SNRPN: variants seen among roughly 807,000 people sequenced by gnomAD.
SNRPN encodes the protein small nuclear ribonucleoprotein polypeptide N.
A neutral mutation model predicts 25.2 loss-of-function variants in SNRPN; 7 were observed. That is an observed-to-expected ratio of 0.28 (90% CI 0.16 to 0.52). SNRPN has a LOEUF of 0.52. Ranked by LOEUF, SNRPN falls within the 20% of genes least tolerant of loss-of-function variation. The probability of loss-of-function intolerance (pLI) is 0.96; values close to 1 mark genes in which losing one functional copy is unlikely to be tolerated. For synonymous variants in SNRPN, 124 were observed against 110.6 expected, an observed-to-expected ratio of 1.12 and a Z score of -0.76; for missense variants, 196 against 322.5, an observed-to-expected ratio of 0.61 and a Z score of 3.00.
intron 2 of SNRPN, among the ~76,000 whole-genome samples, chr15:24,833,852 G>T (rs1408757116): frequency 6.6e-6 from 1 of 152,116 alleles, no homozygotes; most frequent in East Asian, 1.9e-4. Flanking sequence ...GGCTGGTGAG[G>T]ACTCCCAGCC....
intron 2 of SNRPN, among the ~76,000 whole-genome samples, chr15:24,901,017 G>T (rs758527675): frequency 6.6e-6 from 1 of 152,150 alleles, no homozygotes; most frequent in African/African-American, 2.4e-5. Flanking sequence ...GATCACTTGA[G>T]CCCTGGAGGT....
chr15:24,947,652 AAACAT>A (rs1401721046), intron 3 of SNRPN, among the ~76,000 whole-genome samples: 1 of 152,148 alleles, frequency 6.6e-6, no homozygotes, highest in African/African-American at 2.4e-5. Flanking sequence ...CAAAACAGAA[AAACAT>A]AACCTAATTT....
At chr15:24,918,707 CATATATATA>C in intron 2 of SNRPN, among the ~76,000 whole-genome samples, 1 of 98,810 alleles carries the variant, frequency 1.0e-5, no homozygotes. Flanking sequence ...TATATGTGTG[CATATATATA>C]ACATAATATA....
chr15:24,830,818 G>A (rs544064823), intron 2 of SNRPN, among the ~76,000 whole-genome samples: 109 of 152,134 alleles, frequency 7.2e-4, no homozygotes, highest in African/African-American at 2.5e-3. Flanking sequence ...CTTTTAAATG[G>A]TTTCAGGTGT....
chr15:24,855,933 A>G (rs1242929371), upstream of SNRPN, among the ~76,000 whole-genome samples: 1 of 152,094 alleles, frequency 6.6e-6, no homozygotes, highest in East Asian at 1.9e-4. Flanking sequence ...GAGGTTATAG[A>G]TCAGATTTTA....
At chr15:24,851,231 A>C (rs1191297677) in intron 2 of SNRPN, 1 of 152,252 alleles carries the variant, frequency 6.6e-6, no homozygotes, top group Non-Finnish European at 1.5e-5. Flanking sequence ...TTTGGGGCTC[A>C]TAGGTGAACA....
chr15:24,843,457 C>T (rs941203797), intron 2 of SNRPN, among the ~76,000 whole-genome samples: 5 of 151,990 alleles, frequency 3.3e-5, no homozygotes, highest in East Asian at 1.9e-4. Context: ...AGAGCAGCTT[C>T]GCCAACATAG....
chr15:24,854,246 C>T (rs1039606999), upstream of SNRPN, among the ~76,000 whole-genome samples: 2 of 151,616 alleles, frequency 1.3e-5, no homozygotes, highest in African/African-American at 2.4e-5. Flanking sequence ...AATACTGCTA[C>T]AGTGGCAGTT....
chr15:24,952,071 A>T (rs1382212539), upstream of SNRPN, among the ~76,000 whole-genome samples: 1 of 152,178 alleles, frequency 6.6e-6, no homozygotes, highest in Non-Finnish European at 1.5e-5. Flanking sequence ...ACATGTATAC[A>T]TAAGTATACA....
At chr15:24,867,722 T>C (rs536192245) in intron 1 of SNRPN, among the ~76,000 whole-genome samples, 1 of 152,144 alleles carries the variant, frequency 6.6e-6, no homozygotes. Context: ...TGTTTTTTGA[T>C]CCACTCCAAC....
chr15:24,918,471 T>TATATATATAACATAATATATATGTGC (rs1566908911), intron 2 of SNRPN, among the ~76,000 whole-genome samples: 5 of 114,180 alleles, frequency 4.4e-5, no homozygotes, highest in East Asian at 6.4e-4. Flanking sequence ...TATATATGTG[T>TATATATATAACATAATATATATGTGC]ATATATATAA....
intron 2 of SNRPN, among the ~76,000 whole-genome samples, chr15:24,844,185 T>C (rs1172573229): frequency 1.3e-5 from 2 of 152,016 alleles, no homozygotes; most frequent in Non-Finnish European, 1.5e-5. Context: ...TATGTGTATA[T>C]ATGTATATAT....
intron 3 of SNRPN, among the ~76,000 whole-genome samples, chr15:24,971,829 G>T (rs921096199): frequency 2.6e-5 from 4 of 152,180 alleles, no homozygotes; most frequent in Non-Finnish European, 5.9e-5. Flanking sequence ...TTACAGAACT[G>T]TGCAATCATT....
chr15:24,897,723 A>G (rs2058165817), intron 2 of SNRPN, among the ~76,000 whole-genome samples: 1 of 152,170 alleles, frequency 6.6e-6, no homozygotes, highest in South Asian at 2.1e-4. Flanking sequence ...AAGTCTCATT[A>G]GATCTGATGC....
At chr15:24,897,525 C>CA (rs2058147990) in intron 2 of SNRPN, among the ~76,000 whole-genome samples, 1 of 152,184 alleles carries the variant, frequency 6.6e-6, no homozygotes, top group Admixed American at 6.5e-5. Flanking sequence ...TTCGTGGTTA[C>CA]AGTGAGCTAT....
intron 1 of SNRPN, among the ~76,000 whole-genome samples, chr15:24,955,380 G>T (rs574861861): frequency 1.3e-5 from 2 of 152,148 alleles, no homozygotes; most frequent in Non-Finnish European, 2.9e-5. Flanking sequence ...ACCGCAGTGG[G>T]CAAGGGACAT....
At chr15:24,853,205 A>G (rs1475872397), upstream of SNRPN, among the ~76,000 whole-genome samples, 1 of 152,172 alleles carries the variant, frequency 6.6e-6, no homozygotes, top group Non-Finnish European at 1.5e-5. Context: ...AAACATTATC[A>G]TTCACTGCTA....
At position 24,968,408 on chromosome 15, in the gene SNRPN, G is replaced by A. The variant is rs935178499; in HGVS notation, c.-144+326G>A. ...TTTATAATTTCCTTTTGTGGGAGGT[G>A]TCATTTTTTTCTGCCAGTAGTTTGA... On this transcript the variant is annotated intron_variant, in intron 3 of 9. Transcript: ENST00000390687. 1.4e-4 allele frequency: 25 copies of A among 183,048 alleles called. No individual in the cohort carries two copies. In the South Asian group the frequency reaches 1.7e-3, roughly 13 times the overall value. The allele number at this position is 183,048 out of a possible 1,614,324, so 11.3% of individuals were successfully genotyped here. A position where few individuals can be genotyped will look rare whatever the true frequency, so the allele number is the denominator to read the frequency against.
At position 24,841,158 on chromosome 15, in the gene SNRPN, G is replaced by C. The variant is rs558546201; in HGVS notation, c.-579+11253G>C. Among the ~76,000 whole-genome samples, 8 of 152,164 alleles carry C rather than the reference G, an allele frequency of 5.3e-5. No individual in the cohort carries two copies. The East Asian group carries it at 1.5e-3, about 29-fold the overall frequency. On this transcript the variant is annotated intron_variant, in intron 2 of 12. Coordinates refer to the SNRPN transcript ENST00000400100. ...CCAGCCGGTTGTCACATTTTTATCT[G>C]TAACAAGTAAATCCAGAATTAATAA...
Sources: allele counts gnomAD v4.1 joint callset (sites outside exome capture counted in the v4.1 genomes callset), GRCh38; gene constraint gnomAD v4.1.1; transcripts MANE v1.5; gene names NCBI Gene and HGNC (gene_info 2026-07-23, HGNC 2026-07-21).